POU6F2: variants seen among roughly 807,000 people sequenced by gnomAD.
The protein encoded by POU6F2 is POU domain, class 6, transcription factor 2.
Under a neutral mutation model 71.3 loss-of-function variants are expected in POU6F2, and 31 were observed. The ratio of observed to expected loss-of-function variants is 0.43; its 90% CI spans 0.33 to 0.59. The LOEUF (loss-of-function observed/expected upper bound fraction) is 0.59, where lower values mean the gene tolerates loss of function less well. Ranked by LOEUF, POU6F2 falls within the 20% of genes least tolerant of loss-of-function variation. The pLI is 0.04. For synonymous variants in POU6F2, 347 were observed against 355.7 expected (o/e 0.98, Z 0.27); for missense variants, 783 against 856.8 (o/e 0.91, Z 1.07).
chr7:39,419,444 T>A, intron 6 of POU6F2, among the ~76,000 whole-genome samples: 1 of 152,026 alleles, frequency 6.6e-6, no homozygotes, highest in East Asian at 1.9e-4. Flanking sequence ...TTCACCATGT[T>A]GTCTAGGCTG....
At chr7:39,121,058 G>C (rs1297044457) in intron 2 of POU6F2, among the ~76,000 whole-genome samples, 1 of 152,192 alleles carries the variant, frequency 6.6e-6, no homozygotes, top group Non-Finnish European at 1.5e-5. Context: ...GGTGATTACT[G>C]TTTTGTGAAA....
At chr7:39,056,803 C>T (rs1790538589) in intron 1 of POU6F2, among the ~76,000 whole-genome samples, 1 of 151,574 alleles carries the variant, frequency 6.6e-6, no homozygotes, top group African/African-American at 2.4e-5. Flanking sequence ...TTAGACTTTG[C>T]CACTCCCAAG....
intron 2 of POU6F2, among the ~76,000 whole-genome samples, chr7:39,131,120 G>T (rs1400247485): frequency 1.3e-5 from 2 of 152,170 alleles, no homozygotes; most frequent in African/African-American, 2.4e-5. Context: ...ACCACCAGCA[G>T]CTGTGAAATT....
intron 5 of POU6F2, 149 bp from the exon 6 acceptor site, chr7:39,406,451 G>T: frequency 9.7e-6 from 8 of 827,724 alleles, no homozygotes; most frequent in Non-Finnish European, 1.5e-5. Flanking sequence ...AGCTTCCGGG[G>T]GAATGTTCGC....
intron 6 of POU6F2, 104 bp from the exon 7 acceptor site, chr7:39,432,973 G>A (rs1004436054): frequency 4.1e-5 from 47 of 1,148,672 alleles, no homozygotes; most frequent in South Asian, 7.6e-5. Context: ...ATTCTGAGTC[G>A]GCTCCCAGGG....
At chr7:39,023,837 A>G (rs936045440) in intron 1 of POU6F2, among the ~76,000 whole-genome samples, 3 of 152,104 alleles carry the variant, frequency 2.0e-5, no homozygotes, top group African/African-American at 7.2e-5. Flanking sequence ...TTACAAATGG[A>G]GAAACTGAAG....
At chr7:38,981,211 T>C (rs1280454014) in intron 1 of POU6F2, among the ~76,000 whole-genome samples, 1 of 152,214 alleles carries the variant, frequency 6.6e-6, no homozygotes, top group Non-Finnish European at 1.5e-5. Context: ...GTTGGTTTGA[T>C]TATCATTTAG....
chr7:39,289,628 T>C (rs1784714261), intron 4 of POU6F2, among the ~76,000 whole-genome samples: 1 of 152,346 alleles, frequency 6.6e-6, no homozygotes, highest in Non-Finnish European at 1.5e-5. Flanking sequence ...CTCTTGATCA[T>C]TCAACAACAT....
intron 2 of POU6F2, chr7:39,121,035 A>G (rs771767806): frequency 6.6e-6 from 1 of 152,192 alleles, no homozygotes; most frequent in Non-Finnish European, 1.5e-5. Flanking sequence ...AGCATATATC[A>G]TATGTAAGTA....
At chr7:39,257,565 G>A (rs1562766024) in intron 4 of POU6F2, among the ~76,000 whole-genome samples, 2 of 152,098 alleles carry the variant, frequency 1.3e-5, no homozygotes, top group South Asian at 2.1e-4. Flanking sequence ...CAGGGTGGGT[G>A]TCAAAGGCAC....
intron 6 of POU6F2, among the ~76,000 whole-genome samples, chr7:39,427,825 A>T (rs1477090793): frequency 6.6e-6 from 1 of 152,212 alleles, no homozygotes; most frequent in East Asian, 1.9e-4. Context: ...GTTTAACAAC[A>T]TATCATTGGC....
chr7:39,224,611 G>T (rs6462896), intron 4 of POU6F2, among the ~76,000 whole-genome samples: 1 of 152,116 alleles, frequency 6.6e-6, no homozygotes, highest in African/African-American at 2.4e-5. Context: ...CTTTACGCCA[G>T]TTAGCAAACT....
intron 1 of POU6F2, among the ~76,000 whole-genome samples, chr7:38,979,549 C>A (rs984722682): frequency 1.3e-5 from 2 of 152,128 alleles, no homozygotes; most frequent in African/African-American, 4.8e-5. Flanking sequence ...AGTCTCTAGG[C>A]AGGAGAAAAT....
chr7:39,397,682 G>T (rs1048906555), intron 5 of POU6F2, among the ~76,000 whole-genome samples: 2 of 149,094 alleles, frequency 1.3e-5, no homozygotes, highest in East Asian at 2.0e-4. Context: ...TAGTAGAAAC[G>T]GGGTTTTACC....
intron 1 of POU6F2, among the ~76,000 whole-genome samples, chr7:39,012,063 G>A (rs1017912038): frequency 9.9e-5 from 15 of 151,968 alleles, no homozygotes; most frequent in Admixed American, 8.5e-4. Context: ...GAATCTGAAC[G>A]TTGGCCTGCC....
intron 1 of POU6F2, among the ~76,000 whole-genome samples, chr7:38,982,319 A>C (rs1788340529): frequency 6.6e-6 from 1 of 152,178 alleles, no homozygotes; most frequent in Non-Finnish European, 1.5e-5. Context: ...AATTTTATTG[A>C]GAATACTTTT....
chr7:39,129,551 T>C (rs1792211961), intron 2 of POU6F2, among the ~76,000 whole-genome samples: 1 of 152,166 alleles, frequency 6.6e-6, no homozygotes, highest in Non-Finnish European at 1.5e-5. Flanking sequence ...TGCCTGTTTG[T>C]TAATTGTGAT....
chr7:39,143,588 A>G (rs904849348), intron 2 of POU6F2, among the ~76,000 whole-genome samples: 1 of 152,184 alleles, frequency 6.6e-6, no homozygotes, highest in Non-Finnish European at 1.5e-5. Context: ...CTGACCAGAG[A>G]TGGACATTTG....
chr7:38,989,561 T>C (rs1788548558), intron 1 of POU6F2, among the ~76,000 whole-genome samples: 1 of 152,080 alleles, frequency 6.6e-6, no homozygotes, highest in Admixed American at 6.6e-5. Flanking sequence ...TTGCTTCACT[T>C]TGTTTCTCAA....
Sources: allele counts gnomAD v4.1 joint callset (sites outside exome capture counted in the v4.1 genomes callset), GRCh38; gene constraint gnomAD v4.1.1; transcripts MANE v1.5; gene names NCBI Gene and HGNC (gene_info 2026-07-23, HGNC 2026-07-21).